PCDHA1: variants seen among roughly 807,000 people sequenced by gnomAD.
The protein encoded by PCDHA1 is protocadherin alpha 1.
PCDHA1 carries 42 observed loss-of-function variants against 61.3 expected under a neutral mutation model. The ratio of observed to expected loss-of-function variants is 0.69; its 90% CI spans 0.54 to 0.89. The LOEUF (loss-of-function observed/expected upper bound fraction) is 0.89. PCDHA1 is among the 40% of genes least tolerant of loss of function. The probability of loss-of-function intolerance (pLI) is 0.00; values close to 1 mark genes in which losing one functional copy is unlikely to be tolerated. For synonymous variants in PCDHA1, 610 were observed against 553.8 expected, an observed-to-expected ratio of 1.10 and a Z score of -1.43; for missense variants, 1,256 against 1,235.3, an observed-to-expected ratio of 1.02 and a Z score of -0.25.
intron 3 of PCDHA1, among the ~76,000 whole-genome samples, chr5:141,007,994 T>G (rs1339008337): frequency 5.9e-5 from 9 of 152,262 alleles, no homozygotes. Flanking sequence ...GAAATGTACA[T>G]GTTAATAAAC....
At chr5:140,884,260 G>C (rs781862611) in intron 1 of PCDHA1, 1 of 1,613,410 alleles carries the variant, frequency 6.2e-7, no homozygotes, top group Admixed American at 1.7e-5. Flanking sequence ...CCACGGCAAC[G>C]GTGCTGTTGT....
intron 1 of PCDHA1, chr5:140,823,283 T>C: frequency 6.2e-7 from 1 of 1,612,304 alleles, no homozygotes; most frequent in Middle Eastern, 2.0e-4. Flanking sequence ...GAGCGCCCGC[T>C]GTCGAGTTAC....
intron 1 of PCDHA1, chr5:140,843,304 C>A (rs2150356889): frequency 5.6e-6 from 9 of 1,595,876 alleles, no homozygotes; most frequent in Non-Finnish European, 7.7e-6. Flanking sequence ...CGCTGACCGC[C>A]ACGGCCACGG....
At chr5:140,816,221 T>C (rs1765867541) in intron 1 of PCDHA1, 1 of 152,206 alleles carries the variant, frequency 6.6e-6, no homozygotes, top group Non-Finnish European at 1.5e-5. Flanking sequence ...TGCTACTCTG[T>C]CTGGATAATT....
chr5:140,808,972 C>T, intron 1 of PCDHA1: 1 of 1,613,608 alleles, frequency 6.2e-7, no homozygotes, highest in Admixed American at 1.7e-5. Flanking sequence ...CAAAGGTGCG[C>T]GCGGTGGATG....
intron 1 of PCDHA1, chr5:140,830,021 C>T (rs782587732): frequency 1.9e-6 from 3 of 1,613,800 alleles, no homozygotes; most frequent in African/African-American, 2.7e-5. Context: ...GGACTCTCCG[C>T]GCCACCGGCT....
chr5:140,857,032 T>C, intron 1 of PCDHA1: 2 of 1,595,838 alleles, frequency 1.3e-6, no homozygotes, highest in Non-Finnish European at 1.7e-6. Context: ...GAAACCCACC[T>C]ATGGTTGGTC....
chr5:140,871,152 G>A (rs376980257), intron 1 of PCDHA1: 4 of 1,613,318 alleles, frequency 2.5e-6, no homozygotes, highest in South Asian at 1.1e-5. Context: ...GGACTTTGGC[G>A]GGCGCCGCGA....
intron 1 of PCDHA1, chr5:140,882,751 T>C: frequency 6.2e-7 from 1 of 1,614,242 alleles, no homozygotes; most frequent in Non-Finnish European, 8.5e-7. Flanking sequence ...CCGATGCAGA[T>C]ATTGGAGTAA....
chr5:140,854,159 CAAA>C (rs59855104), intron 1 of PCDHA1: 332 of 340,956 alleles, frequency 9.7e-4, no homozygotes, highest in Non-Finnish European at 1.1e-3. Context: ...GATTCTGTCT[CAAA>C]AAAAAAAAAA....
Position 140,835,521 on chromosome 5 carries a change from G to A in PCDHA1, c.2394+46837G>A, listed in dbSNP as rs2150237469. The A allele has an allele frequency of 6.2e-6, 10 of 1,613,816 alleles. No homozygotes were observed. In the Admixed American group the frequency reaches 1.7e-4, roughly 27 times the overall value. On this transcript the variant is annotated intron_variant, in intron 1 of 3. Coordinates refer to ENST00000504120, the MANE Select transcript of PCDHA1 (RefSeq NM_018900.4). ...GATTAGCGTGTTTGACCGAGATTTT[G>A]GAGTCAACGGACAGGTTACCTGCTC...
chr5:140,928,411 A>G, intron 1 of PCDHA1: 2 of 1,614,066 alleles, frequency 1.2e-6, no homozygotes, highest in Non-Finnish European at 1.7e-6. Context: ...CAGTGGGGCC[A>G]TCACTGCCAA....
At chr5:140,925,257 C>A (rs1336613869) in intron 1 of PCDHA1, among the ~76,000 whole-genome samples, 2 of 152,110 alleles carry the variant, frequency 1.3e-5, no homozygotes, top group East Asian at 3.8e-4. Context: ...AACTTTAATT[C>A]TTGATCTGTG....
At chr5:140,823,614 G>C (rs2150127435) in intron 1 of PCDHA1, 1 of 1,614,046 alleles carries the variant, frequency 6.2e-7, no homozygotes, top group Non-Finnish European at 8.5e-7. Context: ...TGCAGCCAGC[G>C]CCTGGCAGTG....
Position 140,882,762 on chromosome 5 carries a change from A to G in PCDHA1, c.2394+94078A>G, listed in dbSNP as rs2059298878. 1.9e-6 allele frequency: 3 copies of G among 1,614,200 alleles called. No individual in the cohort carries two copies. The East Asian group carries it at 6.7e-5, about 36-fold the overall frequency. On this transcript the variant is annotated intron_variant, in intron 1 of 3. Transcript: ENST00000504120. ...GCATCCGATGCAGATATTGGAGTAA[A>G]CTCGGCATTGACCTACCGACTGGAT... is the stretch of plus-strand genomic sequence containing the variant.
chr5:140,929,205 G>A (rs201292001), intron 1 of PCDHA1: 14 of 1,614,120 alleles, frequency 8.7e-6, no homozygotes, highest in Non-Finnish European at 1.2e-5. Flanking sequence ...GTTTGCTGTT[G>A]CGTGGGGAGT....
intron 1 of PCDHA1, chr5:140,801,630 T>A (rs1554121592): frequency 6.2e-7 from 1 of 1,613,850 alleles, no homozygotes; most frequent in East Asian, 2.2e-5. Context: ...TATTTCCGAA[T>A]CCCGACAGCC....
rs147351924 is a variant in PCDHA1, at chr5:141,009,782, C to T, written c.2698C>T (p.Arg900Trp). 27 of 1,613,956 alleles carry T rather than the reference C, an allele frequency of 1.7e-5. No homozygotes were observed. The highest frequency in any genetic ancestry group is 9.9e-5 in the South Asian group (9 of 91,070). ...AGGATCTCCTGCAATCATCTCCATCCGGCAGGAGCCTACTAACAGCCAAAT... is the reference window on the plus strand; with the variant it reads ...AGGATCTCCTGCAATCATCTCCATCTGGCAGGAGCCTACTAACAGCCAAAT... ...IPGSPAIISI[R>W]QEPTNSQIDK... is the part of the protein sequence containing the mutation. The change falls in exon 4 of 4, where the codon CGG becomes TGG. Residue 900 changes from arginine (R) to tryptophan (W), a missense_variant. Coordinates refer to ENST00000504120, the MANE Select transcript of PCDHA1 (RefSeq NM_018900.4).
At chr5:140,791,842 T>A (rs1198461192) in intron 1 of PCDHA1, among the ~76,000 whole-genome samples, 4 of 152,178 alleles carry the variant, frequency 2.6e-5, no homozygotes, top group African/African-American at 9.7e-5. Flanking sequence ...GGTCTTCTAG[T>A]AGTTTTGTGA....
Sources: gnomAD v4.1 joint callset for allele counts (sites outside exome capture counted in the v4.1 genomes callset) on GRCh38, gnomAD v4.1.1 for gene constraint, MANE v1.5 for transcripts, NCBI Gene and HGNC (gene_info 2026-07-23, HGNC 2026-07-21) for gene names.